The following PTPRD variants were observed in gnomAD, a reference collection of about 807,000 sequenced individuals.
PTPRD encodes receptor-type tyrosine-protein phosphatase delta.
PTPRD carries 34 observed loss-of-function variants against 214.5 expected under a neutral mutation model. The observed-to-expected ratio is 0.16, with a 90% CI of 0.12 to 0.21. The LOEUF (loss-of-function observed/expected upper bound fraction) is 0.21, where lower values mean the gene tolerates loss of function less well. Among genes scored for constraint, PTPRD ranks in the 10% least tolerant of loss-of-function variants. The pLI, the probability that PTPRD is intolerant of heterozygous loss-of-function variation, is 1.00. For synonymous variants in PTPRD, 1,128 were observed against 845.7 expected, an observed-to-expected ratio of 1.33 and a Z score of -5.79; for missense variants, 2,545 against 2,398.7, an observed-to-expected ratio of 1.06 and a Z score of -1.27.
intron 8 of PTPRD, among the ~76,000 whole-genome samples, chr9:9,495,767 G>C (rs1047714483): frequency 6.6e-6 from 1 of 152,176 alleles, no homozygotes; most frequent in South Asian, 2.1e-4. Context: ...AGGACCCATT[G>C]AGTGCAGGTA....
intron 2 of PTPRD, among the ~76,000 whole-genome samples, chr9:10,509,580 T>TATATATATATA (rs1491395020): frequency 1.2e-4 from 16 of 135,052 alleles, no homozygotes; most frequent in East Asian, 4.5e-4. Flanking sequence ...TATATATATA[T>TATATATATATA]TTTACTCACT....
intron 2 of PTPRD, among the ~76,000 whole-genome samples, chr9:10,343,283 C>A (rs1050454824): frequency 6.6e-6 from 1 of 152,058 alleles, no homozygotes; most frequent in African/African-American, 2.4e-5. Flanking sequence ...CAGCTTCATC[C>A]ATGTCCCTGC....
chr9:9,605,142 G>C (rs2094064772), intron 7 of PTPRD, among the ~76,000 whole-genome samples: 1 of 151,912 alleles, frequency 6.6e-6, no homozygotes, highest in Non-Finnish European at 1.5e-5. Context: ...GTATACACTG[G>C]AACATTACCA....
intron 10 of PTPRD, among the ~76,000 whole-genome samples, chr9:9,023,748 G>C (rs556217661): frequency 6.6e-6 from 1 of 152,008 alleles, no homozygotes; most frequent in African/African-American, 2.4e-5. Flanking sequence ...TTATAAGTGA[G>C]AAAATGAGGT....
intron 8 of PTPRD, among the ~76,000 whole-genome samples, chr9:9,548,994 A>C (rs914562368): frequency 6.6e-6 from 1 of 152,160 alleles, no homozygotes; most frequent in Non-Finnish European, 1.5e-5. Context: ...CAACCTTCTC[A>C]AACAATGTAA....
At position 10,385,987 on chromosome 9, in the gene PTPRD, T is replaced by C. The variant is rs558655542; in HGVS notation, c.-599-44970A>G. On this transcript the variant is annotated intron_variant, in intron 2 of 45. Coordinates refer to ENST00000381196, the MANE Select transcript of PTPRD (RefSeq NM_002839.4). ...TCTTTTGAACAATTATTTCTCTAAG[T>C]TGTCATATTTCTTTACCTTTGGATT... is the stretch of plus-strand genomic sequence containing the variant. Among the ~76,000 whole-genome samples the C allele has an allele frequency of 3.3e-5, 5 of 152,028 alleles. No individual in the cohort carries two copies. The South Asian group carries it at 6.2e-4, about 19-fold the overall frequency.
intron 5 of PTPRD, among the ~76,000 whole-genome samples, chr9:9,919,375 C>T (rs1763959348): frequency 6.6e-6 from 1 of 152,074 alleles, no homozygotes; most frequent in South Asian, 2.1e-4. Flanking sequence ...ATCAAAGTCC[C>T]CCCACAGGAA....
At chr9:8,871,116 T>A (rs1027070755) in intron 11 of PTPRD, among the ~76,000 whole-genome samples, 35 of 152,186 alleles carry the variant, frequency 2.3e-4, no homozygotes, top group African/African-American at 8.2e-4. Flanking sequence ...CCCGCTCCCT[T>A]GCTTTCAATT....
chr9:9,575,706 C>A (rs2088306944), intron 7 of PTPRD, among the ~76,000 whole-genome samples: 1 of 61,800 alleles, frequency 1.6e-5, no homozygotes, highest in Non-Finnish European at 2.8e-5. Flanking sequence ...GGTGACAGAG[C>A]AAGACTGTCT....
At chr9:10,484,169 TTAATC>T (rs1239095530) in intron 2 of PTPRD, among the ~76,000 whole-genome samples, 1 of 152,066 alleles carries the variant, frequency 6.6e-6, no homozygotes, top group Non-Finnish European at 1.5e-5. Flanking sequence ...ACTGGATTCT[TTAATC>T]TAAGAGAAGT....
intron 9 of PTPRD, among the ~76,000 whole-genome samples, chr9:9,217,423 T>C (rs1458948943): frequency 6.6e-6 from 1 of 152,190 alleles, no homozygotes; most frequent in Non-Finnish European, 1.5e-5. Flanking sequence ...CATATCACTT[T>C]GAACTAGTGT....
At chr9:8,604,938 A>G (rs1389162143) in intron 14 of PTPRD, among the ~76,000 whole-genome samples, 1 of 152,212 alleles carries the variant, frequency 6.6e-6, no homozygotes, top group Non-Finnish European at 1.5e-5. Context: ...ATGGGAAAGT[A>G]AGCAAGTTAT....
At chr9:9,238,280 G>T (rs2099968290) in intron 9 of PTPRD, among the ~76,000 whole-genome samples, 1 of 152,016 alleles carries the variant, frequency 6.6e-6, no homozygotes, top group African/African-American at 2.4e-5. Flanking sequence ...GATACCAAGG[G>T]TTAGTTACTG....
intron 7 of PTPRD, among the ~76,000 whole-genome samples, chr9:9,659,313 C>T (rs2096578723): frequency 6.6e-6 from 1 of 151,972 alleles, no homozygotes; most frequent in Non-Finnish European, 1.5e-5. Flanking sequence ...ATATGGCCTC[C>T]AATTCTTTAT....
At chr9:9,608,996 G>C (rs933798477) in intron 7 of PTPRD, among the ~76,000 whole-genome samples, 1 of 151,984 alleles carries the variant, frequency 6.6e-6, no homozygotes, top group African/African-American at 2.4e-5. Context: ...AGAGTATTGT[G>C]ATTATACCCA....
rs1232996372 is a variant in PTPRD at position 8,648,161 on chromosome 9, G to A, written c.65-11317C>T. ...AAATGGTATGTTCCAATGTTTGAGG[G>A]AAATTTGTCATAATTCAAGGTATAA... On this transcript the variant is annotated intron_variant, in intron 12 of 45. Coordinates refer to ENST00000381196, the MANE Select transcript of PTPRD (RefSeq NM_002839.4). Among the ~76,000 whole-genome samples, 3 of 152,202 alleles carry A rather than the reference G, an allele frequency of 2.0e-5. No individual in the cohort carries two copies. The East Asian group carries it at 5.8e-4, about 29-fold the overall frequency.
At chr9:9,398,430 G>A (rs2068759519) in intron 8 of PTPRD, among the ~76,000 whole-genome samples, 3 of 152,000 alleles carry the variant, frequency 2.0e-5, no homozygotes, top group Admixed American at 1.3e-4. Context: ...GATTCTAGTT[G>A]AGCTAAAGGA....
intron 6 of PTPRD, among the ~76,000 whole-genome samples, chr9:9,748,617 A>T (rs572417907): frequency 1.3e-5 from 2 of 152,222 alleles, no homozygotes; most frequent in East Asian, 3.8e-4. Flanking sequence ...ACTACAACCA[A>T]TTTCAATGAC....
At chr9:8,699,826 G>C (rs2098031264) in intron 12 of PTPRD, among the ~76,000 whole-genome samples, 1 of 151,698 alleles carries the variant, frequency 6.6e-6, no homozygotes, top group Non-Finnish European at 1.5e-5. Context: ...GCACAATTAG[G>C]TAGCATTTTA....
Sources: allele counts gnomAD v4.1 joint callset (sites outside exome capture counted in the v4.1 genomes callset), GRCh38; gene constraint gnomAD v4.1.1; transcripts MANE v1.5; gene names NCBI Gene and HGNC (gene_info 2026-07-23, HGNC 2026-07-21).